SERINC5: variants seen among roughly 807,000 people sequenced by gnomAD.
The protein encoded by SERINC5 is chromosome 5 open reading frame 12.
Under a neutral mutation model 63.1 loss-of-function variants are expected in SERINC5, and 41 were observed. That is an observed-to-expected ratio of 0.65 (90% CI 0.51 to 0.84). The LOEUF (loss-of-function observed/expected upper bound fraction) is 0.84, where lower values mean the gene tolerates loss of function less well. Among genes scored for constraint, SERINC5 ranks in the 40% least tolerant of loss-of-function variants. SERINC5 has a pLI of 0.00. For missense variants in SERINC5, 523 were observed against 573.0 expected (o/e 0.91, Z 0.89); for synonymous variants, 222 against 215.2 (o/e 1.03, Z -0.28).
intron 1 of SERINC5, among the ~76,000 whole-genome samples, chr5:80,251,560 T>C (rs1432290669): frequency 6.6e-6 from 1 of 151,910 alleles, no homozygotes; most frequent in Non-Finnish European, 1.5e-5. Context: ...CAAAACCCCA[T>C]CTCTACTGAA....
downstream of SERINC5, among the ~76,000 whole-genome samples, chr5:80,136,974 C>A (rs4703802): frequency 0.29 from 43,248 of 150,964 alleles, 6,617 homozygotes; most frequent in Admixed American, 0.36. Context: ...TCTCTACCCC[C>A]AAAAATACAA....
At chr5:80,251,112 T>C (rs541541021) in intron 1 of SERINC5, among the ~76,000 whole-genome samples, 1 of 152,168 alleles carries the variant, frequency 6.6e-6, no homozygotes, top group East Asian at 1.9e-4. Flanking sequence ...ACCCAGTCTC[T>C]ACAAAAATTT....
intron 6 of SERINC5, among the ~76,000 whole-genome samples, chr5:80,168,788 G>A (rs1056853744): frequency 6.6e-6 from 1 of 152,180 alleles, no homozygotes; most frequent in African/African-American, 2.4e-5. Context: ...ACAACAATGA[G>A]CAAGGTCAGG....
At chr5:80,200,357 G>T (rs1339986123) in intron 2 of SERINC5, among the ~76,000 whole-genome samples, 1 of 149,860 alleles carries the variant, frequency 6.7e-6, no homozygotes, top group Non-Finnish European at 1.5e-5. Context: ...GTGGTGGCAG[G>T]CGCCTGTAGT....
intron 1 of SERINC5, among the ~76,000 whole-genome samples, chr5:80,246,198 T>C (rs182754826): frequency 2.0e-5 from 3 of 152,236 alleles, no homozygotes; most frequent in Non-Finnish European, 2.9e-5. Context: ...TCCTCCCTAG[T>C]TGGGGTGAAC....
At chr5:80,211,840 C>T (rs771342304) in intron 1 of SERINC5, among the ~76,000 whole-genome samples, 14 of 152,192 alleles carry the variant, frequency 9.2e-5, no homozygotes, top group Non-Finnish European at 1.6e-4. Context: ...TGTTCTGTTA[C>T]CTTCATTCCA....
At chr5:80,227,800 G>A (rs1751236570) in intron 1 of SERINC5, among the ~76,000 whole-genome samples, 2 of 152,056 alleles carry the variant, frequency 1.3e-5, no homozygotes, top group South Asian at 4.1e-4. Flanking sequence ...AGTGAGCCAA[G>A]ATAGTGCCAC....
At chr5:80,223,030 A>AT (rs1750981618) in intron 1 of SERINC5, among the ~76,000 whole-genome samples, 1 of 148,778 alleles carries the variant, frequency 6.7e-6, no homozygotes, top group Non-Finnish European at 1.5e-5. Flanking sequence ...AATTTTTTTT[A>AT]TTTTTTTATA....
At chr5:80,249,753 G>A (rs1580223459) in intron 1 of SERINC5, among the ~76,000 whole-genome samples, 1 of 152,196 alleles carries the variant, frequency 6.6e-6, no homozygotes, top group East Asian at 1.9e-4. Flanking sequence ...AGTGAGCCAA[G>A]ATCACGCCAT....
intron 2 of SERINC5, among the ~76,000 whole-genome samples, chr5:80,184,060 CAG>C (rs1352803780): frequency 6.6e-6 from 1 of 152,142 alleles, no homozygotes; most frequent in Non-Finnish European, 1.5e-5. Context: ...ATGAATGTTT[CAG>C]AGAGTCTAAC....
chr5:80,226,905 CT>C (rs1458292784), intron 1 of SERINC5, among the ~76,000 whole-genome samples: 2 of 152,046 alleles, frequency 1.3e-5, no homozygotes, highest in Non-Finnish European at 2.9e-5. Context: ...ATATGCCCTA[CT>C]TTTTTTGAGA....
chr5:80,230,193 A>G (rs1964285), intron 1 of SERINC5, among the ~76,000 whole-genome samples: 77,917 of 151,888 alleles, frequency 0.51, 21,458 homozygotes, highest in African/African-American at 0.73. Context: ...CCTATTGGCC[A>G]GGCACGGTGG....
chr5:80,183,429 TG>T (rs1366809334), intron 2 of SERINC5, among the ~76,000 whole-genome samples: 6 of 151,996 alleles, frequency 3.9e-5, no homozygotes, highest in Admixed American at 2.6e-4. Context: ...GAACAGCAAT[TG>T]GGGCTGGATA....
intron 1 of SERINC5, among the ~76,000 whole-genome samples, chr5:80,249,376 C>A (rs1215573870): frequency 6.6e-6 from 1 of 151,476 alleles, no homozygotes; most frequent in East Asian, 1.9e-4. Context: ...GAATGTAAAC[C>A]CAGAAAACAT....
intron 2 of SERINC5, among the ~76,000 whole-genome samples, chr5:80,178,537 A>ATTTTTT (rs1182662594): frequency 3.4e-4 from 26 of 77,558 alleles, no homozygotes; most frequent in East Asian, 1.2e-3. Context: ...TAATTTTTGT[A>ATTTTTT]TTTTTTTTTT....
chr5:80,146,348 C>T lies in SERINC5; in HGVS notation c.1094-114G>A, dbSNP rs992218284. 9.6e-6 allele frequency: 12 copies of T among 1,254,688 alleles called. No homozygotes were observed. In the African/African-American group the frequency reaches 1.5e-4, roughly 16 times the overall value. The allele number at this position is 1,254,688 out of a possible 1,614,324, so 77.7% of individuals were successfully genotyped here. ...GTCAGTAGAAAAGATGCCAGAAAGC[C>T]ATCTGTACCCTCTGGCAACTTCAAT... On this transcript the variant is annotated intron_variant, in intron 10 of 11. Transcript: ENST00000507668.
chr5:80,182,926 GA>G (rs1233730396), intron 2 of SERINC5, among the ~76,000 whole-genome samples: 1 of 152,152 alleles, frequency 6.6e-6, no homozygotes, highest in Non-Finnish European at 1.5e-5. Flanking sequence ...AAAGAACCTA[GA>G]AGAGTGGAAG....
intron 1 of SERINC5, among the ~76,000 whole-genome samples, chr5:80,230,187 T>C (rs867311792): frequency 1.1e-4 from 17 of 152,104 alleles, no homozygotes; most frequent in African/African-American, 2.2e-4. Context: ...CAAAAACCTA[T>C]TGGCCAGGCA....
chr5:80,190,094 C>T (rs1191603326), intron 2 of SERINC5, among the ~76,000 whole-genome samples: 1 of 146,728 alleles, frequency 6.8e-6, no homozygotes, highest in Non-Finnish European at 1.5e-5. Context: ...ATTTACATAA[C>T]TGTCTCCCGT....
Sources: gnomAD v4.1 joint callset for allele counts (sites outside exome capture counted in the v4.1 genomes callset) on GRCh38, gnomAD v4.1.1 for gene constraint, MANE v1.5 for transcripts, NCBI Gene and HGNC (gene_info 2026-07-23, HGNC 2026-07-21) for gene names.